Variants in BBS9 observed in about 807,000 individuals in gnomAD.
BBS9 encodes the protein protein PTHB1.
In BBS9, 89 loss-of-function variants were observed where a neutral mutation model predicts 117.7. The ratio of observed to expected loss-of-function variants is 0.76; its 90% CI spans 0.64 to 0.90. BBS9 has a LOEUF of 0.90. Ranked by LOEUF, BBS9 falls within the 40% of genes least tolerant of loss-of-function variation. BBS9 has a pLI of 0.00. For synonymous variants in BBS9, 379 were observed against 370.9 expected (o/e 1.02, Z -0.25); for missense variants, 982 against 1,042.2 (o/e 0.94, Z 0.80).
chr7:33,272,720 A>G (rs1378743064), intron 7 of BBS9, among the ~76,000 whole-genome samples: 1 of 152,154 alleles, frequency 6.6e-6, no homozygotes, highest in Non-Finnish European at 1.5e-5. Context: ...ATTAAGCACA[A>G]TATCATTTTC....
intron 5 of BBS9, among the ~76,000 whole-genome samples, chr7:33,240,576 G>T (rs902731059): frequency 6.6e-6 from 1 of 151,942 alleles, no homozygotes; most frequent in Non-Finnish European, 1.5e-5. Flanking sequence ...AAATTTCTAT[G>T]TTATTTTTGC....
At chr7:33,231,426 G>GTTTTTTTTTTTTTTTTTTT (rs1583766817) in intron 5 of BBS9, among the ~76,000 whole-genome samples, 2 of 71,504 alleles carry the variant, frequency 2.8e-5, no homozygotes, top group Admixed American at 1.8e-4. Context: ...TGGCCTATGT[G>GTTTTTTTTTTTTTTTTTTT]TCTTTTTTTT....
intron 17 of BBS9, among the ~76,000 whole-genome samples, chr7:33,376,631 AG>A (rs777458842): frequency 2.0e-5 from 3 of 152,238 alleles, no homozygotes; most frequent in Non-Finnish European, 4.4e-5. Flanking sequence ...GCTTTCCACA[AG>A]GGTTGAACTT....
chr7:33,233,789 A>G (rs1792941259), intron 5 of BBS9, among the ~76,000 whole-genome samples: 1 of 152,150 alleles, frequency 6.6e-6, no homozygotes, highest in South Asian at 2.1e-4. Context: ...TAAGAAAAAC[A>G]AACCTTTTTT....
At chr7:33,286,069 T>C (rs576259906) in intron 9 of BBS9, among the ~76,000 whole-genome samples, 2 of 152,216 alleles carry the variant, frequency 1.3e-5, no homozygotes, top group East Asian at 3.9e-4. Flanking sequence ...CAAGGATAAG[T>C]AGTTGCAGTT....
chr7:33,605,174 T>C, intron 22 of BBS9, 21 bp from the exon 23 acceptor site: 1 of 1,603,956 alleles, frequency 6.2e-7, no homozygotes. Context: ...TCTCTTTCTC[T>C]CTTACTCTCT....
intron 5 of BBS9, among the ~76,000 whole-genome samples, chr7:33,213,513 G>A (rs939746185): frequency 6.6e-6 from 1 of 152,174 alleles, no homozygotes; most frequent in Non-Finnish European, 1.5e-5. Flanking sequence ...GCAAGGCAAA[G>A]TCTCTTTTAC....
intron 19 of BBS9, among the ~76,000 whole-genome samples, chr7:33,468,760 G>A (rs1419911): frequency 0.76 from 115,509 of 152,088 alleles, 44,446 homozygotes; most frequent in African/African-American, 0.88. Context: ...AACATGCAAT[G>A]TTTGTCTTTC....
intron 20 of BBS9, among the ~76,000 whole-genome samples, chr7:33,519,183 C>G (rs1410391088): frequency 1.3e-5 from 2 of 152,052 alleles, no homozygotes; most frequent in Non-Finnish European, 2.9e-5. Context: ...TCAGTCATTC[C>G]TTGTTCTTTG....
chr7:33,603,500 C>A (rs749125470), intron 21 of BBS9, among the ~76,000 whole-genome samples: 5 of 152,092 alleles, frequency 3.3e-5, no homozygotes, highest in Non-Finnish European at 2.9e-5. Context: ...CATGAGACCT[C>A]AGTTTTCTTA....
chr7:33,137,205 G>A (rs1400705889), intron 1 of BBS9, among the ~76,000 whole-genome samples: 1 of 152,152 alleles, frequency 6.6e-6, no homozygotes, highest in Non-Finnish European at 1.5e-5. Flanking sequence ...TGGCCGGGTT[G>A]CGACAGCACC....
chr7:33,324,600 A>AT lies in BBS9; in HGVS notation c.1017-11825dup, dbSNP rs34915663. Among the ~76,000 whole-genome samples, 613 of 135,494 alleles carry AT rather than the reference A, an allele frequency of 4.5e-3. 2 individuals are homozygous for AT. Among genetic ancestry groups the AT allele is most frequent in the East Asian group, 0.022 (103 of 4,592 alleles). 88.9% of individuals were successfully genotyped at this position (135,494 alleles called of 152,430 possible). ...GATTTCTTATTGCTAGTTAACATCC[A>AT]TTTTTTTTTTTTTTTTCCAGATTGA... On this transcript the variant is annotated intron_variant, in intron 9 of 22. Transcript: ENST00000242067.
At chr7:33,215,950 T>C (rs1788976134) in intron 5 of BBS9, among the ~76,000 whole-genome samples, 1 of 152,084 alleles carries the variant, frequency 6.6e-6, no homozygotes, top group African/African-American at 2.4e-5. Flanking sequence ...CTTACAAATA[T>C]CATGTTTAGG....
chr7:33,328,374 C>A (rs1813276015), intron 9 of BBS9, among the ~76,000 whole-genome samples: 5 of 152,226 alleles, frequency 3.3e-5, no homozygotes. Flanking sequence ...CTCATGTCTT[C>A]TTTGCCTTTA....
chr7:33,153,858 G>T (rs1416943179), intron 3 of BBS9, among the ~76,000 whole-genome samples: 1 of 152,128 alleles, frequency 6.6e-6, no homozygotes, highest in Non-Finnish European at 1.5e-5. Context: ...AAAAGCAGAT[G>T]GTGATTAGGT....
chr7:33,408,553 T>C (rs551654183), intron 19 of BBS9, among the ~76,000 whole-genome samples: 279 of 152,354 alleles, frequency 1.8e-3, no homozygotes, highest in African/African-American at 6.3e-3. Flanking sequence ...AGCTGTAGAC[T>C]GGAGCTGTTC....
At chr7:33,469,798 T>C (rs1018812338) in intron 19 of BBS9, among the ~76,000 whole-genome samples, 9 of 152,112 alleles carry the variant, frequency 5.9e-5, no homozygotes, top group Admixed American at 2.0e-4. Flanking sequence ...CCAGAAAGCA[T>C]GTAAACCTGG....
At chr7:33,301,839 T>G (rs184445088) in intron 9 of BBS9, among the ~76,000 whole-genome samples, 270 of 152,290 alleles carry the variant, frequency 1.8e-3, no homozygotes, top group Admixed American at 5.2e-3. Flanking sequence ...TTTAGTTTTT[T>G]GAGGAACCTC....
intron 5 of BBS9, among the ~76,000 whole-genome samples, chr7:33,245,345 T>G (rs1193618718): frequency 6.6e-6 from 1 of 152,128 alleles, no homozygotes; most frequent in Non-Finnish European, 1.5e-5. Flanking sequence ...CAGATCTTAG[T>G]GTTTCTAGTG....
Sources: allele counts gnomAD v4.1 joint callset (sites outside exome capture counted in the v4.1 genomes callset), GRCh38; gene constraint gnomAD v4.1.1; transcripts MANE v1.5; gene names NCBI Gene and HGNC (gene_info 2026-07-23, HGNC 2026-07-21).